Variants in CDH12 observed in about 807,000 individuals in gnomAD.
CDH12 encodes cadherin 12.
CDH12 carries 41 observed loss-of-function variants against 74.1 expected under a neutral mutation model. The ratio of observed to expected loss-of-function variants is 0.55; its 90% CI spans 0.43 to 0.72. The LOEUF is 0.72. CDH12 is among the 30% of genes least tolerant of loss of function. The pLI, the probability that CDH12 is intolerant of heterozygous loss-of-function variation, is 0.00. For missense variants in CDH12, 945 were observed against 977.2 expected (o/e 0.97, Z 0.44); for synonymous variants, 399 against 355.0 (o/e 1.12, Z -1.39).
intron 1 of CDH12, among the ~76,000 whole-genome samples, chr5:22,842,262 T>C (rs920380534): frequency 6.6e-6 from 1 of 152,086 alleles, no homozygotes; most frequent in Non-Finnish European, 1.5e-5. Flanking sequence ...ATCTAAAAAG[T>C]ATTTTAAATG....
At chr5:22,321,589 A>G (rs1738885505) in intron 3 of CDH12, among the ~76,000 whole-genome samples, 1 of 150,412 alleles carries the variant, frequency 6.6e-6, no homozygotes, top group Admixed American at 6.6e-5. Context: ...GCACATGTAT[A>G]CATATGTAAC....
intron 1 of CDH12, among the ~76,000 whole-genome samples, chr5:22,673,311 C>A (rs1192861900): frequency 6.6e-6 from 1 of 152,092 alleles, no homozygotes; most frequent in Non-Finnish European, 1.5e-5. Context: ...CCACTTTTGG[C>A]AAAACAAAGG....
chr5:22,783,530 A>G (rs945786533), intron 1 of CDH12, among the ~76,000 whole-genome samples: 1 of 152,196 alleles, frequency 6.6e-6, no homozygotes, highest in Admixed American at 6.6e-5. Flanking sequence ...TTCTAGAGTT[A>G]TACAACTGGC....
intron 1 of CDH12, among the ~76,000 whole-genome samples, chr5:22,529,697 T>A (rs1335128293): frequency 6.6e-6 from 1 of 152,088 alleles, no homozygotes; most frequent in Non-Finnish European, 1.5e-5. Context: ...CCCAGTTGAG[T>A]TAACACATAC....
rs992682191 is a variant in CDH12 at position 22,327,017 on chromosome 5, A to AT, written c.-333+78239dup. 1.9e-4 allele frequency among the ~76,000 whole-genome samples: 29 copies of AT among 151,418 alleles called. 1 individual carries two copies. The highest frequency in any genetic ancestry group is 5.3e-4 in the Admixed American group (8 of 15,182). On this transcript the variant is annotated intron_variant, in intron 3 of 14. Coordinates refer to ENST00000382254, the MANE Select transcript of CDH12 (RefSeq NM_004061.5). ...AGAGAAAAAATAATAAATTTGGGGG[A>AT]TTTTTTTTTATTCAGTGGCCATTTC... is the stretch of plus-strand genomic sequence containing the variant.
At chr5:22,196,389 C>T (rs1750623467) in intron 4 of CDH12, among the ~76,000 whole-genome samples, 1 of 152,006 alleles carries the variant, frequency 6.6e-6, no homozygotes, top group Non-Finnish European at 1.5e-5. Flanking sequence ...ATGATCTGCC[C>T]ACCTCGGCCT....
At chr5:22,595,763 A>G (rs536326432) in intron 1 of CDH12, among the ~76,000 whole-genome samples, 90 of 152,150 alleles carry the variant, frequency 5.9e-4, no homozygotes, top group African/African-American at 2.1e-3. Context: ...TGTTAGTAAC[A>G]AGAAAAATGT....
At chr5:22,549,126 G>GT (rs35054448) in intron 1 of CDH12, among the ~76,000 whole-genome samples, 6,225 of 144,870 alleles carry the variant, frequency 0.043, 325 homozygotes, top group African/African-American at 0.13. Context: ...TTGTTTATTT[G>GT]TTTTTTTTTT....
At chr5:22,147,448 G>A (rs1441475753) in intron 4 of CDH12, among the ~76,000 whole-genome samples, 1 of 152,032 alleles carries the variant, frequency 6.6e-6, no homozygotes, top group Non-Finnish European at 1.5e-5. Flanking sequence ...CACTGGATTT[G>A]CCCTATCAAG....
intron 5 of CDH12, among the ~76,000 whole-genome samples, chr5:21,995,523 CAG>C (rs553534003): frequency 2.3e-3 from 342 of 151,954 alleles, no homozygotes; most frequent in African/African-American, 7.6e-3. Context: ...TTTTTTAAAA[CAG>C]GGGATTTTTG....
At chr5:22,420,416 T>C (rs1295641881) in intron 2 of CDH12, among the ~76,000 whole-genome samples, 1 of 152,142 alleles carries the variant, frequency 6.6e-6, no homozygotes, top group East Asian at 1.9e-4. Context: ...CCCAGCACCA[T>C]TATTAAATAG....
At chr5:22,064,274 C>T (rs576377673) in intron 5 of CDH12, among the ~76,000 whole-genome samples, 50 of 152,218 alleles carry the variant, frequency 3.3e-4, no homozygotes, top group African/African-American at 1.1e-3. Flanking sequence ...TGTGGTATCT[C>T]TGGGGATACT....
rs79733735 is a variant in CDH12 at position 21,848,488 on chromosome 5, G to T, written c.647-6160C>A. Among the ~76,000 whole-genome samples, 11 of 152,082 alleles carry T rather than the reference G, an allele frequency of 7.2e-5. No individual in the cohort carries two copies. The East Asian group carries it at 2.1e-3, about 29-fold the overall frequency. ...GAGAGCAGATTTTGCATTATTTTAT[G>T]TGCAAAGTTACTGAGTTTCATTTCA... is the stretch of plus-strand genomic sequence containing the variant. On this transcript the variant is annotated intron_variant, in intron 7 of 14. Coordinates refer to ENST00000382254, the MANE Select transcript of CDH12 (RefSeq NM_004061.5).
At chr5:22,080,513 C>A (rs1245987281) in intron 4 of CDH12, among the ~76,000 whole-genome samples, 1 of 151,860 alleles carries the variant, frequency 6.6e-6, no homozygotes, top group Non-Finnish European at 1.5e-5. Context: ...TTTTTTGCAT[C>A]TTTTCATTCT....
chr5:22,546,565 A>AT (rs1290960050), intron 1 of CDH12, among the ~76,000 whole-genome samples: 4 of 152,164 alleles, frequency 2.6e-5, no homozygotes, highest in Admixed American at 1.3e-4. Context: ...TGGAACAAAG[A>AT]TTTTTTCTTT....
intron 6 of CDH12, among the ~76,000 whole-genome samples, chr5:21,903,036 G>T (rs1429733328): frequency 6.6e-6 from 1 of 152,012 alleles, no homozygotes; most frequent in Non-Finnish European, 1.5e-5. Context: ...AATGGCCAAG[G>T]CTGCTACTTA....
intron 3 of CDH12, among the ~76,000 whole-genome samples, chr5:22,215,007 C>T (rs1040315468): frequency 6.6e-6 from 1 of 152,040 alleles, no homozygotes; most frequent in Non-Finnish European, 1.5e-5. Context: ...GAGGGGAGAC[C>T]GTAGTCACAT....
chr5:22,187,777 G>A (rs1169541752), intron 4 of CDH12, among the ~76,000 whole-genome samples: 1 of 151,980 alleles, frequency 6.6e-6, no homozygotes, highest in African/African-American at 2.4e-5. Context: ...TCACTTATGA[G>A]TTCATGTCTT....
chr5:22,373,069 T>C (rs771605968), intron 3 of CDH12, among the ~76,000 whole-genome samples: 14 of 152,056 alleles, frequency 9.2e-5, no homozygotes, highest in Admixed American at 2.0e-4. Context: ...GCCCCTATCA[T>C]AGTGAGCACC....
Sources: allele counts gnomAD v4.1 joint callset (sites outside exome capture counted in the v4.1 genomes callset), GRCh38; gene constraint gnomAD v4.1.1; transcripts MANE v1.5; gene names NCBI Gene and HGNC (gene_info 2026-07-23, HGNC 2026-07-21).